RELL1: variants seen among roughly 807,000 people sequenced by gnomAD.
RELL1 encodes the protein RELT like 1.
RELL1 carries 10 observed loss-of-function variants against 23.0 expected under a neutral mutation model. The observed-to-expected ratio is 0.43, with a 90% confidence interval of 0.27 to 0.74. The LOEUF is 0.74. RELL1 is among the 30% of genes least tolerant of loss of function. RELL1 has a pLI of 0.19. For missense variants in RELL1, 315 were observed against 364.4 expected (o/e 0.86, Z 1.10); for synonymous variants, 146 against 146.8 (o/e 0.99, Z 0.04).
intron 1 of RELL1, among the ~76,000 whole-genome samples, chr4:37,670,683 G>A: frequency 6.6e-6 from 1 of 151,050 alleles, no homozygotes; most frequent in Non-Finnish European, 1.5e-5. Flanking sequence ...TGATTCTCCT[G>A]TCTCAGCCTC....
chr4:37,649,208 A>C (rs1223617185), intron 2 of RELL1, 68 bp downstream of exon 2: 2 of 1,234,606 alleles, frequency 1.6e-6, no homozygotes, highest in Admixed American at 1.8e-5. Context: ...GATGGAAAGC[A>C]TATATCACTG....
At chr4:37,633,305 A>G (rs1720204794) in intron 5 of RELL1, among the ~76,000 whole-genome samples, 2 of 150,018 alleles carry the variant, frequency 1.3e-5, no homozygotes, top group Admixed American at 6.7e-5. Context: ...GCTACTCGGG[A>G]GGCTGAGGCA....
intron 1 of RELL1, among the ~76,000 whole-genome samples, chr4:37,663,181 C>G (rs143202312): frequency 1.2e-4 from 18 of 152,136 alleles, no homozygotes; most frequent in Non-Finnish European, 2.2e-4. Context: ...TGTTCTCCAG[C>G]CCCTCCCTCC....
chr4:37,645,324 A>G (rs1412618968), intron 3 of RELL1, among the ~76,000 whole-genome samples: 1 of 152,216 alleles, frequency 6.6e-6, no homozygotes, highest in Non-Finnish European at 1.5e-5. Flanking sequence ...TACACTGCAC[A>G]CTTCCAGAAT....
chr4:37,622,384 G>A (rs1347070599), intron 6 of RELL1, among the ~76,000 whole-genome samples: 1 of 152,186 alleles, frequency 6.6e-6, no homozygotes, highest in Non-Finnish European at 1.5e-5. Flanking sequence ...GGTGATACAC[G>A]CAAAGGGATT....
intron 1 of RELL1, among the ~76,000 whole-genome samples, chr4:37,649,816 C>T (rs971884349): frequency 3.3e-5 from 5 of 152,234 alleles, no homozygotes; most frequent in Admixed American, 6.5e-5. Context: ...AACACATAAA[C>T]ATTACATGTA....
At chr4:37,617,749 C>T (rs1577566999) in intron 6 of RELL1, among the ~76,000 whole-genome samples, 2 of 152,364 alleles carry the variant, frequency 1.3e-5, no homozygotes, top group Middle Eastern at 6.8e-3. Flanking sequence ...CACCACTGTA[C>T]TCCAGCCTGT....
exon 7 of RELL1, chr4:37,590,996 A>C: frequency 6.2e-7 from 1 of 1,604,992 alleles, no homozygotes. Flanking sequence ...GATGAGACTG[A>C]TTAGGGGAGG....
downstream of RELL1, chr4:37,590,014 A>G: frequency 2.9e-6 from 3 of 1,052,442 alleles, no homozygotes; most frequent in South Asian, 4.6e-5. Context: ...GGAATCGTAG[A>G]AAGAAGCAGG....
In RELL1 at chr4:37,616,069, A is replaced by G. The variant is rs574953077; in HGVS notation, c.*4-2727T>C. Among the ~76,000 whole-genome samples, 37 of 152,340 alleles carry G rather than the reference A, an allele frequency of 2.4e-4. No homozygotes were observed. The South Asian group carries it at 6.2e-3, about 26-fold the overall frequency. On this transcript the variant is annotated intron_variant, in intron 6 of 6. Coordinates refer to ENST00000454158, the MANE Select transcript of RELL1 (RefSeq NM_001085400.2). ...GGATTAATGAACAGTAAATGCTAAA[A>G]TCTCTAAGTGTAGGATGTTAAGGAA...
Position 37,611,312 on chromosome 4 carries a change from T to G in RELL1, c.*2034A>C, listed in dbSNP as rs374226010. Among the ~76,000 whole-genome samples, 87 of 152,352 alleles carry G rather than the reference T, an allele frequency of 5.7e-4. 2 individuals carry two copies. The South Asian group carries it at 0.016, about 28-fold the overall frequency. ...AAGTCCTATATTGCTACTTTCTGGATCTCAGTGAAATTTATTTCCATACTG... is the reference window on the plus strand; with the variant it reads ...AAGTCCTATATTGCTACTTTCTGGAGCTCAGTGAAATTTATTTCCATACTG... On this transcript the variant is annotated 3_prime_UTR_variant, in exon 7 of 7. Transcript: ENST00000454158.
rs73230541 is a variant in RELL1, at chr4:37,660,086, T to G, written c.89-10586A>C. Among the ~76,000 whole-genome samples the G allele has an allele frequency of 1.0e-3, 152 of 151,890 alleles. 1 individual carries two copies. Among genetic ancestry groups the G allele is most frequent in the Non-Finnish European group, 7.9e-4 (54 of 68,012 alleles). On this transcript the variant is annotated intron_variant, in intron 1 of 6. Coordinates refer to ENST00000454158, the MANE Select transcript of RELL1 (RefSeq NM_001085400.2). The stretch of plus-strand genomic sequence containing the variant: ...CACACACACACCCATTTTTATTTAT[T>G]TATTTATTTATTTTTAAGCTAACAT...
At chr4:37,669,717 T>C (rs1721756093) in intron 1 of RELL1, among the ~76,000 whole-genome samples, 1 of 152,236 alleles carries the variant, frequency 6.6e-6, no homozygotes. Context: ...GGGATCCTGT[T>C]GATCTGTGAC....
At chr4:37,591,164 G>A in exon 7 of RELL1, 1 of 602,766 alleles carries the variant, frequency 1.7e-6, no homozygotes, top group Non-Finnish European at 2.9e-6. Flanking sequence ...GTCCCATGCT[G>A]CTTGTCACAT....
At chr4:37,618,393 A>T (rs541411409) in intron 6 of RELL1, among the ~76,000 whole-genome samples, 1 of 149,774 alleles carries the variant, frequency 6.7e-6, no homozygotes, top group Non-Finnish European at 1.5e-5. Context: ...CTAATTTTTT[A>T]TTTTTTTTTA....
intron 1 of RELL1, among the ~76,000 whole-genome samples, chr4:37,683,673 G>C (rs1722294965): frequency 6.6e-6 from 1 of 151,980 alleles, no homozygotes; most frequent in Middle Eastern, 3.4e-3. Context: ...CAGGAGAATT[G>C]CTTGAGCCTG....
chr4:37,674,714 T>A (rs557360451), intron 1 of RELL1, among the ~76,000 whole-genome samples: 14 of 145,692 alleles, frequency 9.6e-5, no homozygotes, highest in Middle Eastern at 6.8e-3. Flanking sequence ...CATTTGAAAA[T>A]TAGTGTTCCC....
rs1204058653 is a variant in RELL1 at position 37,613,180 on chromosome 4, C to G, written c.*166G>C. ...CTTTCAACCAAAACTTGTTTCAAAG[C>G]AAACTGAATTCTGTATATGGCACAG... On this transcript the variant is annotated 3_prime_UTR_variant, in exon 7 of 7. Coordinates refer to ENST00000454158, the MANE Select transcript of RELL1 (RefSeq NM_001085400.2). 6.6e-6 allele frequency: 1 copy of G among 152,166 alleles called. No homozygotes were observed. Among genetic ancestry groups the G allele is most frequent in the Non-Finnish European group, 1.5e-5 (1 of 68,018 alleles). 9.4% of individuals were successfully genotyped at this position (152,166 alleles called of 1,614,324 possible). A position where few individuals can be genotyped will look rare whatever the true frequency, so the allele number is the denominator to read the frequency against.
intron 6 of RELL1, among the ~76,000 whole-genome samples, chr4:37,625,161 T>C (rs1719896510): frequency 6.6e-6 from 1 of 152,132 alleles, no homozygotes; most frequent in Non-Finnish European, 1.5e-5. Flanking sequence ...ATTACTAAAA[T>C]AAAAATCAAT....
Sources: allele counts gnomAD v4.1 joint callset (sites outside exome capture counted in the v4.1 genomes callset), GRCh38; gene constraint gnomAD v4.1.1; transcripts MANE v1.5; gene names NCBI Gene and HGNC (gene_info 2026-07-23, HGNC 2026-07-21).